The following TRPC4 variants were observed in gnomAD, a reference collection of about 807,000 sequenced individuals.
TRPC4 encodes transient receptor potential cation channel subfamily C member 4.
In TRPC4, 49 loss-of-function variants were observed where a neutral mutation model predicts 99.4. The ratio of observed to expected loss-of-function variants is 0.49; its 90% CI spans 0.39 to 0.63. The LOEUF (loss-of-function observed/expected upper bound fraction) is 0.63. Among genes scored for constraint, TRPC4 ranks in the 20% least tolerant of loss-of-function variants. The probability of loss-of-function intolerance (pLI) is 0.00; values close to 1 mark genes in which losing one functional copy is unlikely to be tolerated. For synonymous variants in TRPC4, 454 were observed against 425.9 expected (o/e 1.07, Z -0.81); for missense variants, 898 against 1,152.9 (o/e 0.78, Z 3.20).
intron 8 of TRPC4, among the ~76,000 whole-genome samples, chr13:37,644,789 C>A (rs140586701): frequency 7.1e-6 from 1 of 140,618 alleles, no homozygotes; most frequent in East Asian, 2.2e-4. Context: ...GGGAGAATGG[C>A]GTGAACCCGG....
intron 4 of TRPC4, among the ~76,000 whole-genome samples, chr13:37,677,350 A>G (rs933186354): frequency 6.6e-6 from 1 of 152,116 alleles, no homozygotes; most frequent in African/African-American, 2.4e-5. Flanking sequence ...TCATAATTAT[A>G]CTCAATGAAA....
chr13:37,786,980 G>A (rs9594233), intron 1 of TRPC4, among the ~76,000 whole-genome samples: 1,852 of 151,966 alleles, frequency 0.012, 21 homozygotes, highest in Non-Finnish European at 0.018. Flanking sequence ...AATTAAAATC[G>A]TCACTAAGTA....
intron 3 of TRPC4, among the ~76,000 whole-genome samples, chr13:37,694,152 C>CT (rs1315891529): frequency 1.3e-5 from 2 of 151,962 alleles, no homozygotes; most frequent in Admixed American, 6.6e-5. Context: ...TACTATTTTC[C>CT]TTTTTTTAAT....
chr13:37,729,522 A>G (rs1332132036), intron 3 of TRPC4, among the ~76,000 whole-genome samples: 1 of 152,174 alleles, frequency 6.6e-6, no homozygotes, highest in East Asian at 1.9e-4. Flanking sequence ...GTTGAAGAAT[A>G]TTTGTATTCT....
chr13:37,687,836 C>T (rs1199724698), intron 4 of TRPC4, among the ~76,000 whole-genome samples: 3 of 152,148 alleles, frequency 2.0e-5, no homozygotes, highest in African/African-American at 7.2e-5. Flanking sequence ...TGTTATCAGG[C>T]CCATAGGAAT....
intron 4 of TRPC4, among the ~76,000 whole-genome samples, chr13:37,678,894 G>T (rs1471773943): frequency 6.6e-6 from 1 of 152,006 alleles, no homozygotes; most frequent in Non-Finnish European, 1.5e-5. Context: ...GCCAAGTAAT[G>T]TTTTTCCAGG....
intron 1 of TRPC4, among the ~76,000 whole-genome samples, chr13:37,829,016 A>G (rs1385499227): frequency 6.6e-6 from 1 of 152,224 alleles, no homozygotes; most frequent in African/African-American, 2.4e-5. Flanking sequence ...TACAATTCTT[A>G]TTGAAAACAT....
chr13:37,790,195 G>C (rs931272456), intron 1 of TRPC4, among the ~76,000 whole-genome samples: 1 of 152,070 alleles, frequency 6.6e-6, no homozygotes, highest in Non-Finnish European at 1.5e-5. Flanking sequence ...AGTAGTTGCA[G>C]AAAGTAAAAA....
At chr13:37,785,419 A>G (rs2139361507) in intron 1 of TRPC4, among the ~76,000 whole-genome samples, 1 of 152,240 alleles carries the variant, frequency 6.6e-6, no homozygotes, top group East Asian at 1.9e-4. Flanking sequence ...TTTATATTCA[A>G]TTTCAGCATT....
At chr13:37,658,398 C>T (rs1338563960) in intron 6 of TRPC4, among the ~76,000 whole-genome samples, 6 of 152,148 alleles carry the variant, frequency 3.9e-5, no homozygotes, top group Admixed American at 1.3e-4. Context: ...TATATATTTA[C>T]AGCCAGAAGA....
chr13:37,700,054 C>T (rs985625302), intron 3 of TRPC4, among the ~76,000 whole-genome samples: 4 of 152,140 alleles, frequency 2.6e-5, no homozygotes, highest in Admixed American at 6.5e-5. Flanking sequence ...AAATAATGTT[C>T]GTTCTTTGAA....
chr13:37,736,385 C>A (rs1330313590), intron 3 of TRPC4, among the ~76,000 whole-genome samples: 1 of 152,142 alleles, frequency 6.6e-6, no homozygotes, highest in Non-Finnish European at 1.5e-5. Context: ...TACAGGAATT[C>A]TGCCTTATAT....
chr13:37,764,550 TTTTG>T (rs971392962), intron 2 of TRPC4, among the ~76,000 whole-genome samples: 1 of 151,398 alleles, frequency 6.6e-6, no homozygotes, highest in Non-Finnish European at 1.5e-5. Context: ...TTCATATCTT[TTTTG>T]TTTGTTTGGT....
chr13:37,860,803 T>G (rs1379257827), intron 1 of TRPC4, among the ~76,000 whole-genome samples: 1 of 151,420 alleles, frequency 6.6e-6, no homozygotes, highest in African/African-American at 2.4e-5. Context: ...ATTAGACAAT[T>G]GAAAATTCCC....
chr13:37,669,051 GGCCC>G (rs1952749466), intron 5 of TRPC4, among the ~76,000 whole-genome samples: 1 of 152,036 alleles, frequency 6.6e-6, no homozygotes, highest in Non-Finnish European at 1.5e-5. Context: ...AAAAACACTT[GGCCC>G]TTTTCTAGTT....
chr13:37,815,800 A>C (rs780920228), intron 1 of TRPC4, among the ~76,000 whole-genome samples: 1 of 151,840 alleles, frequency 6.6e-6, no homozygotes, highest in Non-Finnish European at 1.5e-5. Context: ...CTACCCTAAA[A>C]CAAAAGAATA....
chr13:37,731,869 C>G (rs1955249647), intron 3 of TRPC4, among the ~76,000 whole-genome samples: 1 of 151,970 alleles, frequency 6.6e-6, no homozygotes, highest in Non-Finnish European at 1.5e-5. Flanking sequence ...TTTTCTTTCC[C>G]CATATAGCAT....
chr13:37,648,192 A>G (rs963943414), intron 8 of TRPC4, among the ~76,000 whole-genome samples: 2 of 152,042 alleles, frequency 1.3e-5, no homozygotes, highest in Non-Finnish European at 2.9e-5. Flanking sequence ...CCACCCACCT[A>G]GGCCTCCCAA....
intron 1 of TRPC4, among the ~76,000 whole-genome samples, chr13:37,813,502 GA>G (rs1037926690): frequency 2.0e-5 from 3 of 150,668 alleles, no homozygotes; most frequent in Non-Finnish European, 3.0e-5. Flanking sequence ...AGACCAAGGG[GA>G]AAAAAAAGAG....
Sources: allele counts gnomAD v4.1 joint callset (sites outside exome capture counted in the v4.1 genomes callset), GRCh38; gene constraint gnomAD v4.1.1; transcripts MANE v1.5; gene names NCBI Gene and HGNC (gene_info 2026-07-23, HGNC 2026-07-21).